EHMT1: variants seen among roughly 807,000 people sequenced by gnomAD.
The protein encoded by EHMT1 is euchromatic histone lysine methyltransferase 1, also known as histone-lysine N-methyltransferase EHMT1.
A neutral mutation model predicts 147.2 loss-of-function variants in EHMT1; 15 were observed. That is an observed-to-expected ratio of 0.10 (90% CI 0.07 to 0.16). The LOEUF is 0.16. EHMT1 is among the 10% of genes least tolerant of loss of function. The pLI is 1.00. For synonymous variants in EHMT1, 795 were observed against 709.6 expected (o/e 1.12, Z -1.91); for missense variants, 1,587 against 1,772.4 (o/e 0.90, Z 1.88).
rs773408437 is a variant in EHMT1, at chr9:137,813,541, G to A, written c.3180+11G>A. 3.1e-6 allele frequency: 5 copies of A among 1,613,532 alleles called. No homozygotes were observed. The highest frequency in any genetic ancestry group is 4.2e-6 in the Non-Finnish European group (5 of 1,179,986). On this transcript the variant is annotated intron_variant, in intron 21 of 26. Coordinates refer to ENST00000460843, the MANE Select transcript of EHMT1 (RefSeq NM_024757.5). The surrounding 1 kb of genome is among the most constrained non-coding windows in gnomAD (Gnocchi z 4.9). The stretch of plus-strand genomic sequence containing the variant: ...ATCACTCATCTGCAGGTGAGTGACG[G>A]CAGATGAAGGGCTGACTCAGGCCAG...
At chr9:137,635,645 C>T (rs1843981915) in intron 1 of EHMT1, among the ~76,000 whole-genome samples, 1 of 151,044 alleles carries the variant, frequency 6.6e-6, no homozygotes, top group Non-Finnish European at 1.5e-5. Flanking sequence ...ATGGTGAAAC[C>T]CCGTCTCTAC....
chr9:137,826,019 A>G (rs1450314200), intron 25 of EHMT1, among the ~76,000 whole-genome samples: 2 of 152,194 alleles, frequency 1.3e-5, no homozygotes, highest in East Asian at 3.8e-4. Flanking sequence ...AAATAAGCCT[A>G]TGATTTTTCT....
At chr9:137,824,207 C>A (rs958901728) in intron 25 of EHMT1, among the ~76,000 whole-genome samples, 1 of 152,112 alleles carries the variant, frequency 6.6e-6, no homozygotes, top group Non-Finnish European at 1.5e-5. Context: ...GAGCCGTGAT[C>A]GAGCCACTGC....
intron 3 of EHMT1, among the ~76,000 whole-genome samples, chr9:137,717,701 C>T (rs941592233): frequency 6.6e-6 from 1 of 151,660 alleles, no homozygotes; most frequent in South Asian, 2.1e-4. Context: ...CCTTCTTGTG[C>T]TTTCTCTTCT....
chr9:137,792,088 C>G, intron 16 of EHMT1: 1 of 470,044 alleles, frequency 2.1e-6, no homozygotes, highest in Non-Finnish European at 4.4e-6. Flanking sequence ...TACGGAGTCT[C>G]AAGAGACCCA....
At chr9:137,667,817 C>T (rs1178596438) in intron 1 of EHMT1, among the ~76,000 whole-genome samples, 1 of 152,142 alleles carries the variant, frequency 6.6e-6, no homozygotes, top group African/African-American at 2.4e-5. Context: ...TCACACGGGT[C>T]TGGCCTTTTT....
intron 25 of EHMT1, among the ~76,000 whole-genome samples, chr9:137,827,120 AC>A (rs1955860019): frequency 6.6e-6 from 1 of 151,544 alleles, no homozygotes; most frequent in Non-Finnish European, 1.5e-5. Flanking sequence ...GCCTGCCCTC[AC>A]CTCCTCAGGG....
At chr9:137,657,991 C>T (rs1269757921) in intron 1 of EHMT1, among the ~76,000 whole-genome samples, 1 of 152,182 alleles carries the variant, frequency 6.6e-6, no homozygotes. Context: ...CTGTGCCCAG[C>T]TGATTTCACT....
intron 21 of EHMT1, 192 bp from the exon 22 acceptor site, chr9:137,814,239 T>C: frequency 3.0e-6 from 2 of 672,944 alleles, no homozygotes; most frequent in Non-Finnish European, 5.4e-6. Flanking sequence ...CAGCCAGAGC[T>C]CCCTCCCACA....
intron 13 of EHMT1, 109 bp downstream of exon 13, chr9:137,778,164 C>T: frequency 7.5e-7 from 1 of 1,340,232 alleles, no homozygotes; most frequent in Non-Finnish European, 1.1e-6. Context: ...TTGATTAATG[C>T]TGTTCGTTAG....
chr9:137,817,904 C>T lies in EHMT1; in HGVS notation c.3462-156C>T, dbSNP rs542513676. The T allele has an allele frequency of 9.3e-4, 700 of 749,396 alleles. 9 individuals are homozygous for T. In the South Asian group the frequency reaches 9.8e-3, roughly 10 times the overall value. The allele number at this position is 749,396 out of a possible 1,614,324, so 46.4% of individuals were successfully genotyped here. ...ATCCTCCGGACCCTCAGCTGAAACC[C>T]CAGTTCAACCCTGGGCACACCTCTC... On this transcript the variant is annotated intron_variant, in intron 24 of 26. Transcript: ENST00000460843.
intron 1 of EHMT1, among the ~76,000 whole-genome samples, chr9:137,625,925 G>A (rs1220279339): frequency 1.3e-5 from 2 of 150,676 alleles, no homozygotes; most frequent in African/African-American, 4.9e-5. Context: ...GGGCGATCTC[G>A]GCTCACTGCA....
chr9:137,694,742 G>T (rs1943256160), intron 1 of EHMT1, among the ~76,000 whole-genome samples: 2 of 152,226 alleles, frequency 1.3e-5, no homozygotes, highest in Admixed American at 1.3e-4. Context: ...GTTAGCAGGA[G>T]GCTGGCGAGC....
chr9:137,807,974 T>A (rs542909959), intron 18 of EHMT1, among the ~76,000 whole-genome samples: 39 of 152,228 alleles, frequency 2.6e-4, no homozygotes, highest in Non-Finnish European at 5.1e-4. Context: ...GCAAAACTTG[T>A]ATGGTGCTAA....
In EHMT1 at chr9:137,834,351, C is replaced by G; in HGVS notation, c.3543C>G (p.Asp1181Glu). Residue 1181 changes from aspartate (D) to glutamate (E), a missense_variant and splice_region_variant, in exon 26 of 27, where the codon GAC becomes GAG. By Grantham distance (45) the Asp-to-Glu change is conservative. This residue lies in a region of EHMT1 where 156 missense variants were observed against 252.5 expected (regional missense o/e 0.62). Coordinates refer to ENST00000460843, the MANE Select transcript of EHMT1 (RefSeq NM_024757.5). Reference protein sequence around the residue: ...DSYLFDLDNKDGEVYCIDARF... With the variant: ...DSYLFDLDNKEGEVYCIDARF... Reference sequence around the variant, plus strand: ...CGTGCCGGCTTCTCGCCCTGCAGGACGGGGAGGTTTACTGCATCGACGCGC... The same window carrying G: ...CGTGCCGGCTTCTCGCCCTGCAGGAGGGGGAGGTTTACTGCATCGACGCGC... 2 of 1,612,902 alleles carry G rather than the reference C, an allele frequency of 1.2e-6. No homozygotes were observed. Among genetic ancestry groups the G allele is most frequent in the Non-Finnish European group, 1.7e-6 (2 of 1,179,740 alleles).
chr9:137,675,099 C>T (rs1298632864), intron 1 of EHMT1: 2 of 152,106 alleles, frequency 1.3e-5, no homozygotes, highest in Non-Finnish European at 2.9e-5. Flanking sequence ...GGATTTGGCC[C>T]GGGGGCCGCA....
chr9:137,822,215 G>A (rs755173045), intron 25 of EHMT1, among the ~76,000 whole-genome samples: 6 of 152,206 alleles, frequency 3.9e-5, no homozygotes, highest in Non-Finnish European at 7.3e-5. Flanking sequence ...CGTGTCAGTG[G>A]TTTGTTCCTT....
chr9:137,638,759 C>T (rs529895118), intron 1 of EHMT1, among the ~76,000 whole-genome samples: 2 of 152,176 alleles, frequency 1.3e-5, no homozygotes, highest in Admixed American at 6.5e-5. Context: ...AAAAGGATGC[C>T]TTGTGAACAC....
intron 3 of EHMT1, among the ~76,000 whole-genome samples, chr9:137,726,087 CGTGT>C (rs34091165): frequency 4.0e-5 from 6 of 150,736 alleles, no homozygotes; most frequent in South Asian, 4.2e-4. Context: ...GGTGCCTTGT[CGTGT>C]GTGTGTGTGT....
Sources: allele counts gnomAD v4.1 joint callset (sites outside exome capture counted in the v4.1 genomes callset), GRCh38; gene constraint gnomAD v4.1.1; regional missense constraint gnomAD v4.1.1; non-coding constraint Gnocchi (gnomAD v3.1); transcripts MANE v1.5; gene names NCBI Gene and HGNC (gene_info 2026-07-23, HGNC 2026-07-21).